XRCC5: variants seen among roughly 807,000 people sequenced by gnomAD.
The protein encoded by XRCC5 is X-ray repair cross complementing 5.
In XRCC5, 12 loss-of-function variants were observed where a neutral mutation model predicts 95.7. That is an observed-to-expected ratio of 0.13 (90% CI 0.08 to 0.20). The LOEUF is 0.20. Ranked by LOEUF, XRCC5 falls within the 10% of genes least tolerant of loss-of-function variation. XRCC5 has a pLI of 1.00. For synonymous variants in XRCC5, 281 were observed against 290.3 expected, an observed-to-expected ratio of 0.97 and a Z score of 0.33; for missense variants, 595 against 873.9, an observed-to-expected ratio of 0.68 and a Z score of 4.02.
intron 11 of XRCC5, 86 bp downstream of exon 11, chr2:216,137,311 T>C: frequency 7.0e-7 from 1 of 1,420,402 alleles, no homozygotes. Flanking sequence ...TTCATGACAA[T>C]TACTTGGGGA....
intron 16 of XRCC5, among the ~76,000 whole-genome samples, chr2:216,171,075 C>T (rs1194566744): frequency 1.3e-5 from 2 of 152,192 alleles, no homozygotes; most frequent in Admixed American, 1.3e-4. Context: ...TGGCAAACAA[C>T]AGACGCTCTT....
At chr2:216,157,802 A>T (rs1688875246) in intron 14 of XRCC5, among the ~76,000 whole-genome samples, 1 of 152,364 alleles carries the variant, frequency 6.6e-6, no homozygotes, top group South Asian at 2.1e-4. Context: ...CTCATCATCC[A>T]GATGCACCAA....
chr2:216,199,430 G>A (rs150538052), intron 19 of XRCC5, among the ~76,000 whole-genome samples: 2 of 152,290 alleles, frequency 1.3e-5, no homozygotes, highest in Admixed American at 1.3e-4. Flanking sequence ...TGCATGGCGT[G>A]AGTTTAGACA....
intron 14 of XRCC5, among the ~76,000 whole-genome samples, chr2:216,154,438 G>A (rs936897030): frequency 2.6e-5 from 4 of 152,146 alleles, no homozygotes; most frequent in East Asian, 1.9e-4. Flanking sequence ...AAAAAGAAAC[G>A]TAAGCTCTTA....
chr2:216,149,633 G>A (rs74871447), intron 14 of XRCC5, among the ~76,000 whole-genome samples: 17 of 152,186 alleles, frequency 1.1e-4, no homozygotes, highest in African/African-American at 1.9e-4. Context: ...TCTCCAGTCC[G>A]TGATCTTGAT....
At chr2:216,187,861 T>TCTCCCC (rs143232624) in intron 16 of XRCC5, among the ~76,000 whole-genome samples, 6 of 116,232 alleles carry the variant, frequency 5.2e-5, no homozygotes, top group African/African-American at 8.4e-5. Flanking sequence ...TCTCTCTCTC[T>TCTCCCC]CCCCGTCTCC....
In XRCC5 at chr2:216,157,876, C is replaced by T. The variant is rs151222601; in HGVS notation, c.1671-2192C>T. Reference sequence around the variant, plus strand: ...TAAATTTCTACTTTCTAGAGCTTAGCGCCTTCATAGATAATTTAGGGAAGA... The same window carrying T: ...TAAATTTCTACTTTCTAGAGCTTAGTGCCTTCATAGATAATTTAGGGAAGA... On this transcript the variant is annotated intron_variant, in intron 14 of 20. Transcript: ENST00000392132. 4.4e-3 allele frequency among the ~76,000 whole-genome samples: 670 copies of T among 152,296 alleles called. 3 individuals carry two copies. The highest frequency in any genetic ancestry group is 0.015 in the African/African-American group (644 of 41,558).
intron 5 of XRCC5, among the ~76,000 whole-genome samples, chr2:216,119,775 C>G (rs563948691): frequency 6.6e-6 from 1 of 152,306 alleles, no homozygotes; most frequent in African/African-American, 2.4e-5. Flanking sequence ...AATTCCTCCT[C>G]AAAAAGTAAC....
chr2:216,192,247 G>C (rs1272458509), intron 17 of XRCC5, among the ~76,000 whole-genome samples: 3 of 152,174 alleles, frequency 2.0e-5, no homozygotes, highest in Admixed American at 2.0e-4. Flanking sequence ...GCCCAGCTCA[G>C]CCTCCCAAAG....
rs1006532714 is a variant in XRCC5 at position 216,165,674 on chromosome 2, C to T, written c.1834+3626C>T. On this transcript the variant is annotated intron_variant, in intron 16 of 20. Transcript: ENST00000392132. ...TTTTAGAGAGATTTCTGTCCAGAGT[C>T]GGGAGACAGGAATCCCTTCCCCTTT... Among the ~76,000 whole-genome samples the T allele has an allele frequency of 4.7e-4, 71 of 152,218 alleles. 1 individual carries two copies. Among genetic ancestry groups the T allele is most frequent in the Non-Finnish European group, 2.4e-4 (16 of 68,020 alleles).
chr2:216,128,240 A>G (rs192675032), intron 8 of XRCC5, among the ~76,000 whole-genome samples: 10 of 152,340 alleles, frequency 6.6e-5, no homozygotes, highest in Admixed American at 5.2e-4. Context: ...GGATATCTGT[A>G]TGTTCAAGAC....
intron 16 of XRCC5, among the ~76,000 whole-genome samples, chr2:216,173,482 TTTTATTCTTCTGCTAATATA>T (rs1361680229): frequency 1.3e-5 from 2 of 152,220 alleles, no homozygotes; most frequent in African/African-American, 4.8e-5. Context: ...TGACTGTGAT[TTTTATTCTTCTGCTAATATA>T]TTAATTGACT....
chr2:216,195,142 A>T (rs1689690864), intron 19 of XRCC5, among the ~76,000 whole-genome samples, 156 bp downstream of exon 19: 1 of 152,136 alleles, frequency 6.6e-6, no homozygotes, highest in Non-Finnish European at 1.5e-5. Flanking sequence ...TCCCCATGGG[A>T]GAAATTATAA....
In XRCC5 at chr2:216,135,196, A is replaced by G. The variant is rs530308243; in HGVS notation, c.1114-1892A>G. Among the ~76,000 whole-genome samples, 13 of 152,274 alleles carry G rather than the reference A, an allele frequency of 8.5e-5. No individual in the cohort carries two copies. The South Asian group carries it at 2.7e-3, about 32-fold the overall frequency. ...TTAACCGTGATAGTGAGAGAAGTAC[A>G]TAGTGTTTGGGGAGTTTCTGCAGAG... On this transcript the variant is annotated intron_variant, in intron 10 of 20. Coordinates refer to ENST00000392132, the MANE Select transcript of XRCC5 (RefSeq NM_021141.4).
intron 13 of XRCC5, among the ~76,000 whole-genome samples, chr2:216,145,789 G>A (rs947581945): frequency 6.6e-6 from 1 of 152,220 alleles, no homozygotes; most frequent in African/African-American, 2.4e-5. Flanking sequence ...ATGTTTTACA[G>A]TAGGAAGGTT....
chr2:216,147,175 A>T (rs76760553), intron 13 of XRCC5, among the ~76,000 whole-genome samples: 1,742 of 152,096 alleles, frequency 0.011, 38 homozygotes, highest in African/African-American at 0.04. Flanking sequence ...AATGATTTTT[A>T]AAAAAAGGGC....
At chr2:216,201,877 G>T (rs899815613) in intron 19 of XRCC5, among the ~76,000 whole-genome samples, 2 of 152,188 alleles carry the variant, frequency 1.3e-5, no homozygotes, top group African/African-American at 4.8e-5. Flanking sequence ...GATCAGCCTT[G>T]CCTGGGGCAT....
chr2:216,124,763 A>C (rs899666192), intron 6 of XRCC5, among the ~76,000 whole-genome samples: 4 of 152,228 alleles, frequency 2.6e-5, no homozygotes, highest in African/African-American at 9.7e-5. Context: ...GTTCAGCCAG[A>C]AAGTCTGGAC....
chr2:216,145,382 A>G (rs1688609930), intron 13 of XRCC5, among the ~76,000 whole-genome samples: 1 of 152,206 alleles, frequency 6.6e-6, no homozygotes, highest in African/African-American at 2.4e-5. Context: ...ATACAGTTAA[A>G]ACCACTTTTT....
Sources: allele counts gnomAD v4.1 joint callset (sites outside exome capture counted in the v4.1 genomes callset), GRCh38; gene constraint gnomAD v4.1.1; transcripts MANE v1.5; gene names NCBI Gene and HGNC (gene_info 2026-07-23, HGNC 2026-07-21).